IRAK1BP1: variants seen among roughly 807,000 people sequenced by gnomAD.
IRAK1BP1 encodes interleukin-1 receptor-associated kinase 1-binding protein 1.
In IRAK1BP1, 24 loss-of-function variants were observed where a neutral mutation model predicts 28.0. The observed-to-expected ratio is 0.86, with a 90% CI of 0.62 to 1.20. The LOEUF is 1.20. IRAK1BP1 is among the 50% of genes most tolerant of loss of function. The pLI, the probability that IRAK1BP1 is intolerant of heterozygous loss-of-function variation, is 0.00. For missense variants in IRAK1BP1, 336 were observed against 316.7 expected, an observed-to-expected ratio of 1.06 and a Z score of -0.46; for synonymous variants, 131 against 116.3, an observed-to-expected ratio of 1.13 and a Z score of -0.81.
rs115918008 is a variant in IRAK1BP1 at position 78,871,963 on chromosome 6, G to C, written c.315+4072G>C. ...CTGAAAGTGAAAGCTTTCCCTGGCT[G>C]CCGGAATCCACTCTCTGCAAATGGG... On this transcript the variant is annotated intron_variant, in intron 1 of 3. Coordinates refer to ENST00000369940, the MANE Select transcript of IRAK1BP1 (RefSeq NM_001010844.4). 1,005 of 503,586 alleles carry C rather than the reference G, an allele frequency of 2.0e-3. 13 individuals are homozygous for C. The highest frequency in any genetic ancestry group is 0.018 in the African/African-American group (905 of 50,300). 31.2% of individuals were successfully genotyped at this position (503,586 alleles called of 1,614,324 possible).
At chr6:78,952,098 T>C in the IRAK1BP1 span, among the ~76,000 whole-genome samples, 4 of 152,174 alleles carry the variant, frequency 2.6e-5, no homozygotes, top group Non-Finnish European at 5.9e-5. Flanking sequence ...TCAGGAATCA[T>C]AGCTTCTCAA....
chr6:78,869,485 A>C (rs12153837), intron 1 of IRAK1BP1, among the ~76,000 whole-genome samples: 50,379 of 152,070 alleles, frequency 0.33, 9,877 homozygotes, highest in East Asian at 0.69. Flanking sequence ...GTGCCACTGC[A>C]CTCCAGCTTG....
downstream of IRAK1BP1, chr6:78,946,507 T>C (rs866719231): frequency 2.2e-6 from 3 of 1,390,622 alleles, no homozygotes; most frequent in Non-Finnish European, 2.8e-6. Flanking sequence ...TTTTACTGTA[T>C]AGATTTAGCA....
chr6:78,880,748 T>C (rs771418982), intron 1 of IRAK1BP1, among the ~76,000 whole-genome samples: 2 of 152,302 alleles, frequency 1.3e-5, no homozygotes, highest in East Asian at 3.9e-4. Flanking sequence ...AAGGAACTTA[T>C]ACAGATGGCA....
In IRAK1BP1 at chr6:78,898,604, C is replaced by A. The variant is rs553028988; in HGVS notation, c.*270C>A. ...CATACTTATATACTGACAGTTCATA[C>A]AAGCACATGTGTAATATTTCTATTA... On this transcript the variant is annotated 3_prime_UTR_variant, in exon 4 of 4. Coordinates refer to ENST00000369940, the MANE Select transcript of IRAK1BP1 (RefSeq NM_001010844.4). 1 of 151,314 alleles carries A rather than the reference C, an allele frequency of 6.6e-6. No homozygotes were observed. 9.4% of individuals were successfully genotyped at this position (151,314 alleles called of 1,614,324 possible).
intron 4 of IRAK1BP1, among the ~76,000 whole-genome samples, chr6:78,932,993 G>A (rs1773106878): frequency 6.6e-6 from 1 of 152,046 alleles, no homozygotes; most frequent in Non-Finnish European, 1.5e-5. Flanking sequence ...CTGTCATGCA[G>A]GCTTTGTTGT....
the IRAK1BP1 span, chr6:78,970,989 C>G: frequency 9.3e-4 from 671 of 724,010 alleles, 9 homozygotes; most frequent in South Asian, 6.4e-3. Flanking sequence ...AATGCCTTTT[C>G]AGCTAATAGA....
intron 2 of IRAK1BP1, among the ~76,000 whole-genome samples, chr6:78,889,120 A>G (rs1771535305): frequency 6.9e-6 from 1 of 144,712 alleles, no homozygotes; most frequent in East Asian, 2.0e-4. Context: ...CTGTCTCAAA[A>G]AAAAAAAAAA....
chr6:78,953,306 C>T, the IRAK1BP1 span, among the ~76,000 whole-genome samples: 1 of 152,092 alleles, frequency 6.6e-6, no homozygotes, highest in Admixed American at 6.5e-5. Context: ...CCTTTTTCAC[C>T]ACTGCCCAAG....
the IRAK1BP1 span, chr6:78,955,056 C>T: frequency 5.2e-6 from 5 of 965,448 alleles, no homozygotes; most frequent in East Asian, 7.9e-5. Flanking sequence ...GGGTAATATA[C>T]AATAATTCAA....
chr6:78,934,844 G>GTGCT (rs1773208046), intron 4 of IRAK1BP1, among the ~76,000 whole-genome samples: 1 of 152,148 alleles, frequency 6.6e-6, no homozygotes, highest in South Asian at 2.1e-4. Context: ...CCCAACTCCA[G>GTGCT]GCCAGTTCAT....
intron 1 of IRAK1BP1, among the ~76,000 whole-genome samples, chr6:78,881,451 A>G (rs1023202255): frequency 2.6e-5 from 4 of 152,164 alleles, no homozygotes; most frequent in African/African-American, 7.2e-5. Context: ...TGGTACATAC[A>G]TGACTTTATG....
In IRAK1BP1 at chr6:78,943,962, G is replaced by A. The variant is rs186264764; in HGVS notation, c.*68-1446G>A. 2.4e-3 allele frequency among the ~76,000 whole-genome samples: 345 copies of A among 144,870 alleles called. 1 individual carries two copies. Among genetic ancestry groups the A allele is most frequent in the African/African-American group, 8.5e-3 (327 of 38,564 alleles). ...AATCAGGCCATTGCACTTCAGCCTC[G>A]GTGACAGAGCAAGATCCTGTCTTTT... On this transcript the variant is annotated intron_variant and NMD_transcript_variant, in intron 4 of 4. Coordinates refer to the IRAK1BP1 transcript ENST00000606868.
the IRAK1BP1 span, among the ~76,000 whole-genome samples, chr6:78,968,637 C>A: frequency 1.3e-5 from 2 of 152,164 alleles, no homozygotes; most frequent in East Asian, 3.8e-4. Context: ...TATATTTAAT[C>A]CATATTCAAT....
At chr6:78,917,595 C>T (rs1313153252) in intron 4 of IRAK1BP1, among the ~76,000 whole-genome samples, 4 of 142,650 alleles carry the variant, frequency 2.8e-5, no homozygotes, top group South Asian at 4.3e-4. Context: ...ATGAACATTG[C>T]CAAGGCATAT....
downstream of IRAK1BP1, chr6:78,946,537 C>T: frequency 7.2e-7 from 1 of 1,383,920 alleles, no homozygotes; most frequent in Non-Finnish European, 9.3e-7. Context: ...TAAGCACTTA[C>T]ACTAGTATAG....
At chr6:78,930,855 C>T (rs1003842442) in intron 4 of IRAK1BP1, among the ~76,000 whole-genome samples, 4 of 151,808 alleles carry the variant, frequency 2.6e-5, no homozygotes, top group East Asian at 3.9e-4. Context: ...CACTTGAACC[C>T]GGTAGGTGGA....
In IRAK1BP1 at chr6:78,902,803, CA is replaced by C. The variant is rs1313943984; in HGVS notation, c.*4470del. 1 of 454,336 alleles carries C rather than the reference CA, an allele frequency of 2.2e-6. No homozygotes were observed. The highest frequency in any genetic ancestry group is 3.9e-6 in the Non-Finnish European group (1 of 258,690). The allele number at this position is 454,336 out of a possible 1,614,324, so 28.1% of individuals were successfully genotyped here. On this transcript the variant is annotated 3_prime_UTR_variant, in exon 4 of 4. Coordinates refer to ENST00000369940, the MANE Select transcript of IRAK1BP1 (RefSeq NM_001010844.4). ...ACATACATACATACATACATACATA[CA>C]TACATACATACATACATAAAATGCC...
chr6:78,871,867 A>G, intron 1 of IRAK1BP1: 1 of 497,814 alleles, frequency 2.0e-6, no homozygotes, highest in Non-Finnish European at 3.5e-6. Flanking sequence ...CACTACTTGT[A>G]TCCTTTGGCA....
Sources: gnomAD v4.1 joint callset for allele counts (sites outside exome capture counted in the v4.1 genomes callset) on GRCh38, gnomAD v4.1.1 for gene constraint, MANE v1.5 for transcripts, NCBI Gene and HGNC (gene_info 2026-07-23, HGNC 2026-07-21) for gene names.